Variants in ASIC2 observed in about 807,000 individuals in gnomAD.
ASIC2 encodes the protein acid sensing ion channel subunit 2.
Under a neutral mutation model 57.3 loss-of-function variants are expected in ASIC2, and 25 were observed. The ratio of observed to expected loss-of-function variants is 0.44; its 90% confidence interval spans 0.32 to 0.61. ASIC2 has a LOEUF of 0.61. Among genes scored for constraint, ASIC2 ranks in the 20% least tolerant of loss-of-function variants. ASIC2 has a pLI of 0.06. For missense variants in ASIC2, 641 were observed against 738.1 expected, an observed-to-expected ratio of 0.87 and a Z score of 1.52; for synonymous variants, 319 against 307.5, an observed-to-expected ratio of 1.04 and a Z score of -0.39.
intron 1 of ASIC2, among the ~76,000 whole-genome samples, chr17:33,171,591 T>A (rs1412592811): frequency 6.6e-6 from 1 of 152,254 alleles, no homozygotes; most frequent in African/African-American, 2.4e-5. Context: ...ACCAGCCTCC[T>A]GACAGGTCTC....
chr17:33,324,591 C>T (rs879790919), intron 1 of ASIC2, among the ~76,000 whole-genome samples: 1 of 152,194 alleles, frequency 6.6e-6, no homozygotes, highest in Non-Finnish European at 1.5e-5. Flanking sequence ...GACACCAAGA[C>T]TGGGTGCCTG....
At chr17:33,375,845 C>A (rs1340608773) in intron 1 of ASIC2, among the ~76,000 whole-genome samples, 2 of 151,898 alleles carry the variant, frequency 1.3e-5, no homozygotes, top group Non-Finnish European at 2.9e-5. Context: ...ACTGAAAGTG[C>A]TCAGGAAACC....
At chr17:33,034,387 C>T in intron 3 of ASIC2, among the ~76,000 whole-genome samples, 1 of 152,132 alleles carries the variant, frequency 6.6e-6, no homozygotes, top group Non-Finnish European at 1.5e-5. Context: ...GTATCAGCTA[C>T]TCATGAGGCT....
intron 1 of ASIC2, among the ~76,000 whole-genome samples, chr17:33,554,755 A>C (rs1425554312): frequency 6.6e-6 from 1 of 152,094 alleles, no homozygotes; most frequent in Non-Finnish European, 1.5e-5. Flanking sequence ...ACCAGGGAGG[A>C]TCTATGCCTG....
At chr17:33,753,785 C>T (rs1220659663) in intron 1 of ASIC2, among the ~76,000 whole-genome samples, 2 of 152,168 alleles carry the variant, frequency 1.3e-5, no homozygotes, top group African/African-American at 2.4e-5. Context: ...GCTATTGTTA[C>T]AGGTGCATAC....
intron 1 of ASIC2, among the ~76,000 whole-genome samples, chr17:33,132,706 G>C (rs559075032): frequency 6.6e-6 from 1 of 152,312 alleles, no homozygotes; most frequent in Non-Finnish European, 1.5e-5. Context: ...AGCTATTCCT[G>C]GGTCCTGGCT....
intron 1 of ASIC2, among the ~76,000 whole-genome samples, chr17:33,753,654 G>A (rs1910503531): frequency 6.6e-6 from 1 of 152,226 alleles, no homozygotes; most frequent in African/African-American, 2.4e-5. Flanking sequence ...GAAATCGGAA[G>A]TGAGATACAG....
chr17:33,026,106 G>T (rs991764651), intron 4 of ASIC2, 124 bp from the exon 5 acceptor site: 3 of 1,012,420 alleles, frequency 3.0e-6, no homozygotes, highest in Admixed American at 2.3e-5. Flanking sequence ...CGGCCTGCCA[G>T]TGGGCAGTTC....
At chr17:34,154,768 A>G (rs946273406) in intron 1 of ASIC2, among the ~76,000 whole-genome samples, 1 of 152,178 alleles carries the variant, frequency 6.6e-6, no homozygotes, top group African/African-American at 2.4e-5. Context: ...CCCAACTTGC[A>G]ATTGCATTTT....
intron 1 of ASIC2, among the ~76,000 whole-genome samples, chr17:33,485,013 G>A (rs1172884917): frequency 1.3e-5 from 2 of 152,232 alleles, no homozygotes; most frequent in African/African-American, 4.8e-5. Context: ...CAAGAAAGCT[G>A]TTTTCTTCTA....
intron 1 of ASIC2, among the ~76,000 whole-genome samples, chr17:33,518,826 C>CT (rs550019500): frequency 0.042 from 6,133 of 146,428 alleles, 145 homozygotes; most frequent in Middle Eastern, 0.06. Flanking sequence ...GATAACTACT[C>CT]TTTTTTTTTT....
intron 1 of ASIC2, among the ~76,000 whole-genome samples, chr17:33,969,042 C>T (rs141503397): frequency 2.6e-5 from 4 of 152,238 alleles, no homozygotes; most frequent in African/African-American, 9.6e-5. Flanking sequence ...CACAGAGGCC[C>T]GGGCCCAGTG....
chr17:33,242,747 A>C (rs319758), intron 1 of ASIC2, among the ~76,000 whole-genome samples: 114,617 of 152,108 alleles, frequency 0.75, 43,570 homozygotes, highest in African/African-American at 0.81. Flanking sequence ...TGAGGCCCAT[A>C]CCTTCTCAGT....
At chr17:33,397,220 A>G (rs1910109971) in intron 1 of ASIC2, among the ~76,000 whole-genome samples, 1 of 152,182 alleles carries the variant, frequency 6.6e-6, no homozygotes. Context: ...GGGACTCCCA[A>G]CCCTAAAGAG....
At position 33,291,577 on chromosome 17, in the gene ASIC2, G is replaced by T. The variant is rs769134070; in HGVS notation, c.539C>A (p.Pro180Gln). 9 of 1,609,866 alleles carry T rather than the reference G, an allele frequency of 5.6e-6. No homozygotes were observed. The highest frequency in any genetic ancestry group is 7.6e-6 in the Non-Finnish European group (9 of 1,179,006). Residue 180 changes from proline to glutamine, a missense_variant, in exon 1 of 10, where the codon CCG (proline) becomes CAG (glutamine). This residue lies in a region of ASIC2 where 382 missense variants were observed against 398.0 expected (regional missense o/e 0.96). Transcript: ENST00000225823. ...CAGCTTGCGGAACCACTGGCGGCGC[G>T]GCTCGTCGCCCCGCAGCAGCTCGCT... Reference protein sequence around the residue: ...LVSELLRGDEPRRQWFRKLAD... With the variant: ...LVSELLRGDEQRRQWFRKLAD...
chr17:34,123,638 T>C (rs1268651555), intron 1 of ASIC2, among the ~76,000 whole-genome samples: 2 of 152,224 alleles, frequency 1.3e-5, no homozygotes, highest in African/African-American at 4.8e-5. Flanking sequence ...CCAGCAGCTG[T>C]CACTTACAAC....
upstream of ASIC2, among the ~76,000 whole-genome samples, chr17:33,298,254 A>G (rs1567815055): frequency 1.3e-5 from 2 of 152,020 alleles, no homozygotes; most frequent in South Asian, 2.1e-4. Context: ...TCCTAATGCT[A>G]TCCCTCCCCA....
At chr17:33,211,867 C>G (rs1254851915) in intron 1 of ASIC2, among the ~76,000 whole-genome samples, 1 of 152,190 alleles carries the variant, frequency 6.6e-6, no homozygotes, top group Non-Finnish European at 1.5e-5. Flanking sequence ...AGACGGGTTC[C>G]AGGATCCCCC....
chr17:33,890,302 T>C (rs145029488), intron 1 of ASIC2, among the ~76,000 whole-genome samples: 1 of 152,188 alleles, frequency 6.6e-6, no homozygotes, highest in African/African-American at 2.4e-5. Context: ...CTGGCTCCCA[T>C]GTTGACTGTA....
Sources: allele counts gnomAD v4.1 joint callset (sites outside exome capture counted in the v4.1 genomes callset), GRCh38; gene constraint gnomAD v4.1.1; regional missense constraint gnomAD v4.1.1; transcripts MANE v1.5; gene names NCBI Gene and HGNC (gene_info 2026-07-23, HGNC 2026-07-21).